The following GULP1 variants were observed in gnomAD, a reference collection of about 807,000 sequenced individuals.
The protein encoded by GULP1 is PTB domain-containing engulfment adapter protein 1.
Under a neutral mutation model 40.9 loss-of-function variants are expected in GULP1, and 19 were observed. That is an observed-to-expected ratio of 0.46 (90% CI 0.32 to 0.68). GULP1 has a LOEUF of 0.68. Among genes scored for constraint, GULP1 ranks in the 30% least tolerant of loss-of-function variants. GULP1 has a pLI of 0.03. For synonymous variants in GULP1, 119 were observed against 117.6 expected, an observed-to-expected ratio of 1.01 and a Z score of -0.08; for missense variants, 312 against 362.2, an observed-to-expected ratio of 0.86 and a Z score of 1.12.
At chr2:188,581,465 A>T (rs2153456447) in intron 9 of GULP1, among the ~76,000 whole-genome samples, 1 of 152,230 alleles carries the variant, frequency 6.6e-6, no homozygotes, top group East Asian at 1.9e-4. Context: ...ATAAAGACTT[A>T]ATTATTACTT....
chr2:188,455,370 C>T (rs1410720304), intron 2 of GULP1, among the ~76,000 whole-genome samples: 1 of 152,142 alleles, frequency 6.6e-6, no homozygotes, highest in African/African-American at 2.4e-5. Context: ...TGAGTTGTAA[C>T]TCCCACAATT....
At chr2:188,311,397 A>G (rs942941769) in intron 1 of GULP1, among the ~76,000 whole-genome samples, 1 of 152,086 alleles carries the variant, frequency 6.6e-6, no homozygotes, top group African/African-American at 2.4e-5. Context: ...GGGTTTCACC[A>G]TGTTGGTCAG....
At chr2:188,298,928 G>A (rs1008010435) in intron 1 of GULP1, among the ~76,000 whole-genome samples, 9 of 152,140 alleles carry the variant, frequency 5.9e-5, no homozygotes, top group East Asian at 5.8e-4. Context: ...TGCCTCTCAC[G>A]GATGGAGCAA....
At chr2:188,424,023 A>G (rs776509348) in intron 2 of GULP1, among the ~76,000 whole-genome samples, 1 of 151,812 alleles carries the variant, frequency 6.6e-6, no homozygotes, top group Non-Finnish European at 1.5e-5. Context: ...TATAGGCTTT[A>G]AAAAATAATT....
rs148945062 is a variant in GULP1 at position 188,527,690 on chromosome 2, A to G, written c.163-1407A>G. ...GACAGACAGCAAGCTGAAAAATTAT[A>G]CCACCCAAAATGGAATAAAACAAAT... On this transcript the variant is annotated intron_variant, in intron 5 of 11. Transcript: ENST00000409830. Among the ~76,000 whole-genome samples, 1,248 of 152,294 alleles carry G rather than the reference A, an allele frequency of 8.2e-3. 8 individuals are homozygous for G. The highest frequency in any genetic ancestry group is 0.013 in the Non-Finnish European group (903 of 68,008).
At chr2:188,497,215 T>G (rs933766316) in intron 4 of GULP1, among the ~76,000 whole-genome samples, 1 of 152,052 alleles carries the variant, frequency 6.6e-6, no homozygotes, top group Admixed American at 6.6e-5. Context: ...TTGCACATCT[T>G]TAGCTTGAAC....
At chr2:188,586,870 T>C (rs1186728325) in intron 10 of GULP1, among the ~76,000 whole-genome samples, 1 of 151,660 alleles carries the variant, frequency 6.6e-6, no homozygotes, top group Non-Finnish European at 1.5e-5. Context: ...TTATTTCTTT[T>C]TTAATTTTTT....
At chr2:188,347,447 A>G (rs1237597244) in intron 1 of GULP1, among the ~76,000 whole-genome samples, 1 of 152,094 alleles carries the variant, frequency 6.6e-6, no homozygotes, top group Admixed American at 6.5e-5. Context: ...ATAAAAATAA[A>G]CTGTCAGAAA....
intron 6 of GULP1, among the ~76,000 whole-genome samples, chr2:188,539,662 A>G (rs1040882115): frequency 1.3e-5 from 2 of 151,912 alleles, no homozygotes; most frequent in Non-Finnish European, 2.9e-5. Flanking sequence ...TTACCAAGCA[A>G]CTCTTCGATG....
intron 4 of GULP1, among the ~76,000 whole-genome samples, chr2:188,503,588 A>G (rs2063636391): frequency 1.3e-5 from 2 of 151,944 alleles, no homozygotes; most frequent in Admixed American, 1.3e-4. Context: ...GTCAGGACAC[A>G]GAACCAAACC....
chr2:188,516,971 C>T (rs1271683176), intron 4 of GULP1, among the ~76,000 whole-genome samples: 1 of 152,124 alleles, frequency 6.6e-6, no homozygotes, highest in African/African-American at 2.4e-5. Context: ...ACACAGAAAG[C>T]AGACACAGTC....
At chr2:188,552,763 ATTTG>A (rs1323748506) in intron 7 of GULP1, among the ~76,000 whole-genome samples, 1 of 151,282 alleles carries the variant, frequency 6.6e-6, no homozygotes, top group African/African-American at 2.4e-5. Flanking sequence ...ATATTTTTCT[ATTTG>A]TTTGTGTCAT....
intron 2 of GULP1, among the ~76,000 whole-genome samples, chr2:188,459,885 T>C (rs2059565684): frequency 6.6e-6 from 1 of 152,204 alleles, no homozygotes. Flanking sequence ...CCCAGCATCA[T>C]TTATTGAAGA....
chr2:188,349,513 T>C (rs1165613852), intron 1 of GULP1, among the ~76,000 whole-genome samples: 1 of 152,194 alleles, frequency 6.6e-6, no homozygotes, highest in African/African-American at 2.4e-5. Flanking sequence ...TATCTTTTCA[T>C]GTGCTTATTA....
At chr2:188,449,585 A>G (rs2058673429) in intron 2 of GULP1, among the ~76,000 whole-genome samples, 1 of 152,198 alleles carries the variant, frequency 6.6e-6, no homozygotes, top group South Asian at 2.1e-4. Context: ...CATTACTTCC[A>G]TGGGTAGTAT....
intron 2 of GULP1, among the ~76,000 whole-genome samples, chr2:188,437,814 A>C (rs1575243407): frequency 6.6e-6 from 1 of 152,136 alleles, no homozygotes; most frequent in Non-Finnish European, 1.5e-5. Context: ...TAGCAAGCTA[A>C]CTTAGGAACA....
At chr2:188,445,307 C>G (rs947025839) in intron 2 of GULP1, among the ~76,000 whole-genome samples, 1 of 151,182 alleles carries the variant, frequency 6.6e-6, no homozygotes, top group Non-Finnish European at 1.5e-5. Flanking sequence ...GAAAAAAAAA[C>G]AAAAACACTG....
At chr2:188,307,469 T>C (rs1168087450) in intron 1 of GULP1, among the ~76,000 whole-genome samples, 1 of 151,988 alleles carries the variant, frequency 6.6e-6, no homozygotes, top group African/African-American at 2.4e-5. Context: ...AATATGGTAG[T>C]AGGAAGTTTA....
intron 7 of GULP1, among the ~76,000 whole-genome samples, chr2:188,561,784 C>A (rs1300646506): frequency 6.6e-6 from 1 of 152,118 alleles, no homozygotes; most frequent in Non-Finnish European, 1.5e-5. Flanking sequence ...GTGGGGAATG[C>A]ACATCATTCT....
Sources: allele counts gnomAD v4.1 joint callset (sites outside exome capture counted in the v4.1 genomes callset), GRCh38; gene constraint gnomAD v4.1.1; transcripts MANE v1.5; gene names NCBI Gene and HGNC (gene_info 2026-07-23, HGNC 2026-07-21).